Variants in MBNL1 observed in about 807,000 individuals in gnomAD.
The protein encoded by MBNL1 is muscleblind like splicing regulator 1.
A neutral mutation model predicts 42.2 loss-of-function variants in MBNL1; 8 were observed. The ratio of observed to expected loss-of-function variants is 0.19; its 90% confidence interval spans 0.11 to 0.34. The LOEUF is 0.34. MBNL1 is among the 10% of genes least tolerant of loss of function. MBNL1 has a pLI of 1.00. For synonymous variants in MBNL1, 169 were observed against 173.9 expected (o/e 0.97, Z 0.22); for missense variants, 309 against 495.3 (o/e 0.62, Z 3.57).
intron 2 of MBNL1, among the ~76,000 whole-genome samples, chr3:152,375,816 T>C (rs1027442068): frequency 1.8e-4 from 27 of 150,386 alleles, no homozygotes; most frequent in Non-Finnish European, 3.1e-4. Context: ...CAAGACCTTG[T>C]CTCAAAAAAA....
At chr3:152,454,170 TATA>T (rs1410502741) in intron 6 of MBNL1, among the ~76,000 whole-genome samples, 2 of 152,206 alleles carry the variant, frequency 1.3e-5, no homozygotes, top group Non-Finnish European at 2.9e-5. Flanking sequence ...TGCTTGTCAA[TATA>T]ATATTATTCC....
intron 3 of MBNL1, among the ~76,000 whole-genome samples, chr3:152,421,644 C>T (rs963987423): frequency 2.6e-5 from 4 of 152,108 alleles, no homozygotes; most frequent in African/African-American, 9.7e-5. Flanking sequence ...ATATAATCGT[C>T]AGATTCACCA....
chr3:152,413,978 C>T, intron 2 of MBNL1, among the ~76,000 whole-genome samples: 1 of 152,134 alleles, frequency 6.6e-6, no homozygotes, highest in Non-Finnish European at 1.5e-5. Flanking sequence ...GATGAGCTCT[C>T]ACTATGTTGC....
At chr3:152,329,823 G>A (rs1247887402) in intron 2 of MBNL1, among the ~76,000 whole-genome samples, 4 of 149,978 alleles carry the variant, frequency 2.7e-5, no homozygotes, top group African/African-American at 9.8e-5. Flanking sequence ...AACCATTGTG[G>A]ATATCATGGG....
At chr3:152,260,222 A>G (rs2149490320) in intron 2 of MBNL1, among the ~76,000 whole-genome samples, 1 of 152,276 alleles carries the variant, frequency 6.6e-6, no homozygotes, top group Admixed American at 6.5e-5. Flanking sequence ...AATGCTCCAC[A>G]TTGTCTAAAA....
intron 2 of MBNL1, among the ~76,000 whole-genome samples, chr3:152,358,858 C>T (rs1472332917): frequency 6.6e-6 from 1 of 152,088 alleles, no homozygotes; most frequent in African/African-American, 2.4e-5. Flanking sequence ...GATCTTCCCA[C>T]CTTGGCCTCC....
intron 2 of MBNL1, among the ~76,000 whole-genome samples, chr3:152,335,844 C>G (rs938898774): frequency 6.6e-5 from 10 of 152,158 alleles, no homozygotes; most frequent in African/African-American, 2.4e-4. Flanking sequence ...TGTTTGGGAA[C>G]TTACAGTGGC....
chr3:152,272,039 T>TC (rs1559963665), intron 1 of MBNL1, among the ~76,000 whole-genome samples: 20 of 147,798 alleles, frequency 1.4e-4, no homozygotes, highest in Admixed American at 4.1e-4. Flanking sequence ...CCTGTTTCTT[T>TC]TCTCTCTCTC....
intron 2 of MBNL1, among the ~76,000 whole-genome samples, chr3:152,405,949 G>GA: frequency 6.6e-6 from 1 of 152,194 alleles, no homozygotes; most frequent in East Asian, 1.9e-4. Context: ...TTGCTGTACT[G>GA]AAAAAATAAT....
chr3:152,294,351 T>C (rs1005841340), intron 1 of MBNL1, among the ~76,000 whole-genome samples: 68 of 148,488 alleles, frequency 4.6e-4, no homozygotes, highest in Non-Finnish European at 8.4e-4. Context: ...TGGTGTGATC[T>C]CGGCTCACTG....
intron 3 of MBNL1, among the ~76,000 whole-genome samples, chr3:152,430,895 A>G (rs1287948394): frequency 6.6e-6 from 1 of 152,246 alleles, no homozygotes; most frequent in Non-Finnish European, 1.5e-5. Flanking sequence ...AGAGCCATCG[A>G]CCTGGCAGAG....
At chr3:152,401,547 A>C (rs2098218460) in intron 2 of MBNL1, among the ~76,000 whole-genome samples, 1 of 152,184 alleles carries the variant, frequency 6.6e-6, no homozygotes, top group Non-Finnish European at 1.5e-5. Flanking sequence ...TTTCTTGAAC[A>C]CAATTTCCCA....
intron 2 of MBNL1, among the ~76,000 whole-genome samples, chr3:152,311,001 C>CTTTTTTT (rs71144111): frequency 6.5e-5 from 5 of 77,506 alleles, no homozygotes; most frequent in African/African-American, 1.6e-4. Flanking sequence ...AACCATGAGA[C>CTTTTTTT]TTTTTTTTTT....
intron 8 of MBNL1, 117 bp downstream of exon 8, chr3:152,456,478 C>T (rs1733997546): frequency 3.8e-6 from 3 of 793,786 alleles, no homozygotes; most frequent in Non-Finnish European, 2.2e-6. Flanking sequence ...TACGTGAGGG[C>T]TGTAGAGGGT....
At chr3:152,459,190 A>T (rs1260841825) in intron 8 of MBNL1, 81 bp from the exon 9 acceptor site, 2 of 708,526 alleles carry the variant, frequency 2.8e-6, no homozygotes, top group Admixed American at 6.8e-5. Context: ...TTCTTTAAAA[A>T]TTTAATATTA....
At chr3:152,373,975 C>T (rs1041171205) in intron 2 of MBNL1, among the ~76,000 whole-genome samples, 1 of 152,122 alleles carries the variant, frequency 6.6e-6, no homozygotes, top group Non-Finnish European at 1.5e-5. Flanking sequence ...TCTATCTTCT[C>T]ACTTTTTTGG....
intron 4 of MBNL1, among the ~76,000 whole-genome samples, chr3:152,437,660 A>T (rs550864635): frequency 5.3e-5 from 8 of 152,178 alleles, no homozygotes; most frequent in African/African-American, 1.9e-4. Context: ...CATATATTAC[A>T]TATATCACAT....
chr3:152,290,714 G>A (rs1265170765), intron 1 of MBNL1, among the ~76,000 whole-genome samples: 1 of 152,090 alleles, frequency 6.6e-6, no homozygotes, highest in African/African-American at 2.4e-5. Context: ...GGTTAAATAT[G>A]AAAACTATGA....
chr3:152,380,363 G>A (rs559389663), intron 2 of MBNL1, among the ~76,000 whole-genome samples: 1 of 152,122 alleles, frequency 6.6e-6, no homozygotes, highest in African/African-American at 2.4e-5. Context: ...CTGTTTCCTT[G>A]TATCTAAACT....
Sources: allele counts gnomAD v4.1 joint callset (sites outside exome capture counted in the v4.1 genomes callset), GRCh38; gene constraint gnomAD v4.1.1; transcripts MANE v1.5; gene names NCBI Gene and HGNC (gene_info 2026-07-23, HGNC 2026-07-21).